Variants in CAST observed in about 807,000 individuals in gnomAD.
The protein encoded by CAST is calpastatin, also known as MIR583 host.
In CAST, 76 loss-of-function variants were observed where a neutral mutation model predicts 119.6. The observed-to-expected ratio is 0.64, with a 90% CI of 0.53 to 0.77. The LOEUF (loss-of-function observed/expected upper bound fraction) is 0.77. Ranked by LOEUF, CAST falls within the 30% of genes least tolerant of loss-of-function variation. The probability of loss-of-function intolerance (pLI) is 0.00; values close to 1 mark genes in which losing one functional copy is unlikely to be tolerated. For synonymous variants in CAST, 319 were observed against 331.6 expected, an observed-to-expected ratio of 0.96 and a Z score of 0.41; for missense variants, 953 against 946.5, an observed-to-expected ratio of 1.01 and a Z score of -0.09.
At chr5:96,621,385 A>G (rs1189219811) in intron 1 of CAST, among the ~76,000 whole-genome samples, 2 of 152,244 alleles carry the variant, frequency 1.3e-5, no homozygotes, top group Non-Finnish European at 2.9e-5. Flanking sequence ...GCTACTATAA[A>G]GAAATACTCG....
At chr5:96,104,282 T>C in the CAST span, among the ~76,000 whole-genome samples, 1 of 152,242 alleles carries the variant, frequency 6.6e-6, no homozygotes, top group South Asian at 2.1e-4. Context: ...CCATTGCTTT[T>C]GGTGTTTTAG....
intron 2 of CAST, among the ~76,000 whole-genome samples, chr5:96,678,166 A>G (rs1390489490): frequency 1.3e-5 from 2 of 152,158 alleles, no homozygotes; most frequent in East Asian, 3.9e-4. Context: ...CCAGAGAAAG[A>G]CTTCCTGAAA....
At chr5:96,727,127 T>C (rs576424336) in intron 5 of CAST, among the ~76,000 whole-genome samples, 22 of 152,226 alleles carry the variant, frequency 1.4e-4, no homozygotes, top group African/African-American at 4.6e-4. Context: ...AACACCGTGT[T>C]AGTGGCATGG....
chr5:96,762,299 C>T lies in CAST; in HGVS notation c.1859C>T (p.Ala620Val), dbSNP rs4948. ...SLKFEDAKLAAAISEVVSQTP... is the reference protein window; with the variant it reads ...SLKFEDAKLAVAISEVVSQTP... ...AAATTTGAAGATGCTAAACTTGCTG[C>T]TGCCATCTCTGAAGTGGTTTCCCAA... The change falls in exon 25 of 32, where the codon GCT becomes GTT. Residue 620 changes from alanine (A) to valine (V), a missense_variant. Transcript: ENST00000675179. The T allele has an allele frequency of 2.1e-3, 3,316 of 1,607,794 alleles. 67 individuals are homozygous for T. In the African/African-American group the frequency reaches 0.039, roughly 19 times the overall value.
chr5:96,613,800 A>C lies in CAST; in HGVS notation c.61-61739A>C, dbSNP rs534757165. Among the ~76,000 whole-genome samples, 13 of 152,360 alleles carry C rather than the reference A, an allele frequency of 8.5e-5. No homozygotes were observed. In the South Asian group the frequency reaches 2.7e-3, roughly 32 times the overall value. ...ACAAATAACCTGGGACTTCTATTAC[A>C]ATGTACATCTTAATCCTGTAGGTCT... is the stretch of plus-strand genomic sequence containing the variant. On this transcript the variant is annotated intron_variant, in intron 1 of 11. Coordinates refer to the CAST transcript ENST00000505143.
the CAST span, among the ~76,000 whole-genome samples, chr5:96,117,919 A>G: frequency 0.028 from 4,236 of 152,230 alleles, 185 homozygotes; most frequent in African/African-American, 0.096. Flanking sequence ...CCTGTTTCTA[A>G]GATAGTCTGA....
At chr5:96,267,258 TTAAA>T in the CAST span, among the ~76,000 whole-genome samples, 1 of 152,052 alleles carries the variant, frequency 6.6e-6, no homozygotes, top group African/African-American at 2.4e-5. Flanking sequence ...AGAAAATGAT[TTAAA>T]TAAATAATAA....
At chr5:96,771,587 C>A in intron 30 of CAST, 57 bp from the exon 31 acceptor site, 1 of 1,337,814 alleles carries the variant, frequency 7.5e-7, no homozygotes, top group Non-Finnish European at 1.1e-6. Flanking sequence ...AGAAGGCCAT[C>A]TCCTCATACT....
At chr5:96,243,461 A>AT in the CAST span, among the ~76,000 whole-genome samples, 525 of 151,966 alleles carry the variant, frequency 3.5e-3, 3 homozygotes, top group African/African-American at 0.012. Context: ...CATTTTTAAA[A>AT]TTTTTTTTGG....
the CAST span, among the ~76,000 whole-genome samples, chr5:96,263,197 G>A: frequency 6.6e-6 from 1 of 152,086 alleles, no homozygotes; most frequent in Non-Finnish European, 1.5e-5. Flanking sequence ...GTGCAGACAG[G>A]GCTGAGAATC....
chr5:96,016,511 T>C, the CAST span, among the ~76,000 whole-genome samples: 1 of 152,216 alleles, frequency 6.6e-6, no homozygotes, highest in Admixed American at 6.5e-5. Flanking sequence ...CTTTCTCCTA[T>C]ACTGCATCAT....
chr5:96,532,983 C>T (rs1214200562), intron 1 of CAST, among the ~76,000 whole-genome samples: 1 of 151,330 alleles, frequency 6.6e-6, no homozygotes, highest in East Asian at 1.9e-4. Context: ...CATGATTGTG[C>T]CACTGCACTC....
chr5:96,582,861 C>G (rs190644963), intron 1 of CAST, among the ~76,000 whole-genome samples: 99 of 152,226 alleles, frequency 6.5e-4, no homozygotes, highest in African/African-American at 2.3e-3. Flanking sequence ...TTGATAGGCT[C>G]TTTAGAAAAG....
At chr5:96,015,760 A>T in the CAST span, among the ~76,000 whole-genome samples, 1 of 152,190 alleles carries the variant, frequency 6.6e-6, no homozygotes, top group Non-Finnish European at 1.5e-5. Flanking sequence ...TGAGGTAGTT[A>T]CTCTTACTAT....
intron 1 of CAST, among the ~76,000 whole-genome samples, chr5:96,633,509 A>G (rs1747847946): frequency 1.3e-5 from 2 of 152,174 alleles, no homozygotes; most frequent in Admixed American, 6.5e-5. Flanking sequence ...GGACTTTCAG[A>G]TTAGTATCTT....
At chr5:96,406,596 A>G in the CAST span, among the ~76,000 whole-genome samples, 1 of 152,228 alleles carries the variant, frequency 6.6e-6, no homozygotes, top group Non-Finnish European at 1.5e-5. Context: ...CTCCATAGGA[A>G]GCCCCAGGGA....
chr5:96,558,656 A>T (rs551242471), intron 1 of CAST, among the ~76,000 whole-genome samples: 17 of 152,356 alleles, frequency 1.1e-4, no homozygotes, highest in Admixed American at 5.2e-4. Context: ...AGACTAAACC[A>T]GGAAGAAATT....
chr5:96,387,746 G>T, the CAST span, among the ~76,000 whole-genome samples: 1 of 152,132 alleles, frequency 6.6e-6, no homozygotes, highest in Admixed American at 6.5e-5. Context: ...AGCCCTGGTG[G>T]TGCCTGGAAT....
At chr5:96,230,815 A>T in the CAST span, among the ~76,000 whole-genome samples, 284 of 152,296 alleles carry the variant, frequency 1.9e-3, 1 homozygote, top group South Asian at 7.7e-3. Flanking sequence ...ACTCAGTTTT[A>T]AAAAAGGGGC....
Sources: gnomAD v4.1 joint callset for allele counts (sites outside exome capture counted in the v4.1 genomes callset) on GRCh38, gnomAD v4.1.1 for gene constraint, MANE v1.5 for transcripts, NCBI Gene and HGNC (gene_info 2026-07-23, HGNC 2026-07-21) for gene names.